CNIH3: variants seen among roughly 807,000 people sequenced by gnomAD.
The protein encoded by CNIH3 is protein cornichon homolog 3.
In CNIH3, 14 loss-of-function variants were observed where a neutral mutation model predicts 24.1. The observed-to-expected ratio is 0.58, with a 90% CI of 0.38 to 0.91. The LOEUF (loss-of-function observed/expected upper bound fraction) is 0.91, where lower values mean the gene tolerates loss of function less well. Among genes scored for constraint, CNIH3 ranks in the 40% least tolerant of loss-of-function variants. CNIH3 has a pLI of 0.00. For synonymous variants in CNIH3, 68 were observed against 73.8 expected (o/e 0.92, Z 0.40); for missense variants, 178 against 196.8 (o/e 0.90, Z 0.57).
upstream of CNIH3, among the ~76,000 whole-genome samples, chr1:224,513,166 C>CT (rs1033041052): frequency 1.3e-5 from 2 of 151,060 alleles, no homozygotes; most frequent in Non-Finnish European, 1.5e-5. Flanking sequence ...TGCTACCTAG[C>CT]TTTTTTTTTA....
At chr1:224,531,608 T>C (rs1162093632) in intron 2 of CNIH3, among the ~76,000 whole-genome samples, 1 of 152,210 alleles carries the variant, frequency 6.6e-6, no homozygotes, top group Non-Finnish European at 1.5e-5. Context: ...ATGCAGAGAA[T>C]GAAAGAATTT....
At chr1:224,577,212 C>T (rs150292968) in intron 4 of CNIH3, among the ~76,000 whole-genome samples, 3 of 152,104 alleles carry the variant, frequency 2.0e-5, no homozygotes, top group African/African-American at 7.2e-5. Context: ...TAGATGGGAC[C>T]TAATTAAACG....
In CNIH3 at chr1:224,704,290, G is replaced by A. The variant is rs949170502; in HGVS notation, c.198+19447G>A. 3.3e-5 allele frequency among the ~76,000 whole-genome samples: 5 copies of A among 152,180 alleles called. No individual in the cohort carries two copies. The highest frequency in any genetic ancestry group is 1.3e-4 in the Admixed American group (2 of 15,288). On this transcript the variant is annotated intron_variant, in intron 3 of 5. Coordinates refer to ENST00000272133, the MANE Select transcript of CNIH3 (RefSeq NM_152495.2). The surrounding 1 kb of genome is among the most constrained non-coding windows in gnomAD (Gnocchi z 4.2). ...CAATGAGAAGGCTCTCTCCAGGGCA[G>A]TGTGGCCCTGCAGGGTCCTAACAGC...
intron 1 of CNIH3, among the ~76,000 whole-genome samples, chr1:224,504,633 C>T (rs1270461322): frequency 6.6e-6 from 1 of 151,948 alleles, no homozygotes; most frequent in Non-Finnish European, 1.5e-5. Context: ...ACTAGTCCAA[C>T]CCCACCTTAA....
At chr1:224,479,077 GC>G (rs1450484288) in intron 1 of CNIH3, among the ~76,000 whole-genome samples, 1 of 150,022 alleles carries the variant, frequency 6.7e-6, no homozygotes, top group African/African-American at 2.5e-5. Context: ...TCCCTCCCTG[GC>G]CCCTCCCAAA....
intron 1 of CNIH3, among the ~76,000 whole-genome samples, chr1:224,487,754 T>A (rs771378464): frequency 1.4e-4 from 22 of 152,156 alleles, no homozygotes; most frequent in Non-Finnish European, 3.2e-4. Flanking sequence ...TGATATGACA[T>A]CCCTTCTCAC....
chr1:224,705,389 T>C (rs1290267815), intron 3 of CNIH3, among the ~76,000 whole-genome samples: 1 of 152,258 alleles, frequency 6.6e-6, no homozygotes. Flanking sequence ...GCCCCCTTCA[T>C]TCTTGGGAAG....
At chr1:224,579,779 C>G (rs1031484254) in intron 4 of CNIH3, among the ~76,000 whole-genome samples, 1 of 152,184 alleles carries the variant, frequency 6.6e-6, no homozygotes, top group African/African-American at 2.4e-5. Context: ...CTTTCTTCCT[C>G]TCTGGCCACA....
chr1:224,705,863 T>A lies in CNIH3; in HGVS notation c.198+21020T>A, dbSNP rs12563318. Among the ~76,000 whole-genome samples, 123 of 147,738 alleles carry A rather than the reference T, an allele frequency of 8.3e-4. 3 individuals are homozygous for A. Among genetic ancestry groups the A allele is most frequent in the Middle Eastern group, 3.5e-3 (1 of 288 alleles). ...TCTCTTTCTTTTCTTTTTTTTCTTT[T>A]TTTTTTTTTTTGAGCTGAACCTACC... On this transcript the variant is annotated intron_variant, in intron 3 of 5. Transcript: ENST00000272133.
chr1:224,663,195 C>T (rs1167970339), intron 1 of CNIH3, among the ~76,000 whole-genome samples: 2 of 152,134 alleles, frequency 1.3e-5, no homozygotes, highest in East Asian at 3.9e-4. Flanking sequence ...TCCTATGATT[C>T]AAAGACCTTC....
chr1:224,683,864 A>AG (rs1299480861), intron 2 of CNIH3, among the ~76,000 whole-genome samples: 2 of 152,168 alleles, frequency 1.3e-5, no homozygotes, highest in Non-Finnish European at 2.9e-5. Context: ...ACATGTGAGG[A>AG]GGATGCAGTG....
intron 1 of CNIH3, among the ~76,000 whole-genome samples, chr1:224,629,283 A>ACCATGCCC (rs1327041162): frequency 0.017 from 2,533 of 152,180 alleles, 74 homozygotes; most frequent in African/African-American, 0.057. Context: ...CTGGGATTAC[A>ACCATGCCC]GGCGTGTGCC....
intron 1 of CNIH3, among the ~76,000 whole-genome samples, chr1:224,463,353 T>C (rs772535273): frequency 1.7e-4 from 26 of 152,318 alleles, no homozygotes; most frequent in Non-Finnish European, 3.8e-4. Context: ...CCTTTGGCCA[T>C]TTAAAAAATT....
intron 3 of CNIH3, among the ~76,000 whole-genome samples, chr1:224,688,014 A>T (rs1248162847): frequency 6.6e-6 from 1 of 152,178 alleles, no homozygotes; most frequent in African/African-American, 2.4e-5. Context: ...GATCTAGAAA[A>T]TATCTCAAAT....
At chr1:224,443,690 TAG>T (rs5781370) in intron 1 of CNIH3, among the ~76,000 whole-genome samples, 17,703 of 142,458 alleles carry the variant, frequency 0.12, 2,341 homozygotes, top group African/African-American at 0.34. Context: ...TAGATATCTA[TAG>T]ATATAGATAT....
At chr1:224,530,654 C>T (rs572762561) in intron 2 of CNIH3, among the ~76,000 whole-genome samples, 1 of 151,518 alleles carries the variant, frequency 6.6e-6, no homozygotes, top group South Asian at 2.1e-4. Flanking sequence ...GACTGGAGTG[C>T]AGTGGCATGA....
chr1:224,708,867 A>C (rs752901853), intron 3 of CNIH3, among the ~76,000 whole-genome samples: 10 of 152,166 alleles, frequency 6.6e-5, no homozygotes, highest in Non-Finnish European at 1.5e-4. Context: ...TGGATCAGAG[A>C]TGTCCTGCAA....
chr1:224,661,276 CT>C, intron 1 of CNIH3: 21 of 303,928 alleles, frequency 6.9e-5, no homozygotes, highest in South Asian at 1.6e-4. Context: ...CTTGACAATC[CT>C]TTTTTTAGTA....
chr1:224,718,003 C>T (rs1398236713), intron 3 of CNIH3, among the ~76,000 whole-genome samples: 1 of 152,200 alleles, frequency 6.6e-6, no homozygotes, highest in African/African-American at 2.4e-5. Context: ...TTTGTTTTCT[C>T]ACTCAACAAC....
Sources: allele counts gnomAD v4.1 joint callset (sites outside exome capture counted in the v4.1 genomes callset), GRCh38; gene constraint gnomAD v4.1.1; non-coding constraint Gnocchi (gnomAD v3.1); transcripts MANE v1.5; gene names NCBI Gene and HGNC (gene_info 2026-07-23, HGNC 2026-07-21).